The following EBF2 variants were observed in gnomAD, a reference collection of about 807,000 sequenced individuals.
The protein encoded by EBF2 is transcription factor COE2.
In EBF2, 21 loss-of-function variants were observed where a neutral mutation model predicts 72.8. The observed-to-expected ratio is 0.29, with a 90% CI of 0.20 to 0.42. The LOEUF (loss-of-function observed/expected upper bound fraction) is 0.42, where lower values mean the gene tolerates loss of function less well. EBF2 is among the 10% of genes least tolerant of loss of function. The pLI is 1.00. For missense variants in EBF2, 637 were observed against 731.2 expected, an observed-to-expected ratio of 0.87 and a Z score of 1.49; for synonymous variants, 299 against 274.2, an observed-to-expected ratio of 1.09 and a Z score of -0.89.
At chr8:25,865,994 C>T (rs1802306308) in intron 10 of EBF2, among the ~76,000 whole-genome samples, 1 of 151,226 alleles carries the variant, frequency 6.6e-6, no homozygotes, top group African/African-American at 2.4e-5. Flanking sequence ...CGCTGCACCC[C>T]AGCCTGGGTG....
At chr8:25,995,177 A>G (rs1038324286) in intron 6 of EBF2, among the ~76,000 whole-genome samples, 5 of 152,200 alleles carry the variant, frequency 3.3e-5, no homozygotes, top group South Asian at 2.1e-4. Flanking sequence ...GTGGTGGTGC[A>G]TGCCTGTAAT....
At chr8:26,005,329 T>TA (rs796089627) in intron 6 of EBF2, among the ~76,000 whole-genome samples, 1 of 396 alleles carries the variant, frequency 2.5e-3, no homozygotes, top group Non-Finnish European at 5.6e-3. Context: ...TTATATATAA[T>TA]TATATATTAT....
intron 6 of EBF2, among the ~76,000 whole-genome samples, chr8:26,012,707 T>C (rs1301368217): frequency 6.6e-6 from 1 of 152,206 alleles, no homozygotes; most frequent in Non-Finnish European, 1.5e-5. Flanking sequence ...TTTGCGGTGT[T>C]TGCCAGATTT....
chr8:25,999,091 A>G (rs776272252), intron 6 of EBF2, among the ~76,000 whole-genome samples: 4 of 152,210 alleles, frequency 2.6e-5, no homozygotes, highest in South Asian at 2.1e-4. Context: ...ACTGAAGTGA[A>G]AGATTAGGTT....
chr8:25,854,722 T>C (rs1802050101), intron 14 of EBF2, among the ~76,000 whole-genome samples: 2 of 152,192 alleles, frequency 1.3e-5, no homozygotes, highest in Non-Finnish European at 1.5e-5. Context: ...ATTCTTATGG[T>C]GGGAGTACGC....
chr8:26,027,015 T>G (rs1805311805), intron 6 of EBF2, among the ~76,000 whole-genome samples: 1 of 152,212 alleles, frequency 6.6e-6, no homozygotes, highest in Non-Finnish European at 1.5e-5. Flanking sequence ...TATCTATCCT[T>G]CTCAGAGCCA....
intron 5 of EBF2, among the ~76,000 whole-genome samples, chr8:26,036,981 C>G (rs964539608): frequency 6.6e-6 from 1 of 151,888 alleles, no homozygotes; most frequent in Non-Finnish European, 1.5e-5. Flanking sequence ...TCGTAACAAC[C>G]CCAGAGAGAC....
chr8:25,864,096 G>C (rs1308846273), intron 10 of EBF2, among the ~76,000 whole-genome samples: 1 of 151,868 alleles, frequency 6.6e-6, no homozygotes. Flanking sequence ...ATTATCCTTT[G>C]TGCATAACTT....
Position 25,850,639 on chromosome 8 carries a change from A to G in EBF2, c.1651T>C (p.Ser551Pro). The change falls in exon 15 of 16, where the codon TCC becomes CCC. Residue 551 changes from serine (S) to proline (P), a missense_variant. Around this residue, in one of 3 missense-constraint regions of EBF2, gnomAD observed 259 missense variants for 268.1 expected, o/e 0.97. Coordinates refer to ENST00000520164, the MANE Select transcript of EBF2 (RefSeq NM_022659.4). ...AFAPVIRPQG[S>P]PSPACSSGNG... ...CCGCTGGAGCAGGCAGGTGAAGGGG[A>G]GCCTTGGGGCCTGATGACAGGGGCA... The G allele has an allele frequency of 6.4e-7, 1 of 1,566,676 alleles. No homozygotes were observed. Among genetic ancestry groups the G allele is most frequent in the East Asian group, 2.4e-5 (1 of 41,952 alleles).
chr8:26,001,891 A>G (rs916511315), intron 6 of EBF2, among the ~76,000 whole-genome samples: 1 of 151,996 alleles, frequency 6.6e-6, no homozygotes, highest in Non-Finnish European at 1.5e-5. Flanking sequence ...TTCCTCCCCC[A>G]TGCCCACTCC....
chr8:25,898,074 C>T (rs138063488), intron 7 of EBF2, among the ~76,000 whole-genome samples: 85 of 152,260 alleles, frequency 5.6e-4, no homozygotes, highest in African/African-American at 1.8e-3. Flanking sequence ...GCTCACCCTA[C>T]GGTGGACAAA....
intron 1 of EBF2, among the ~76,000 whole-genome samples, chr8:26,043,330 G>A (rs1028239130): frequency 9.2e-5 from 14 of 152,226 alleles, no homozygotes; most frequent in Non-Finnish European, 2.1e-4. Context: ...TTTGAAAGGG[G>A]TAACATTTTG....
intron 6 of EBF2, among the ~76,000 whole-genome samples, chr8:26,008,211 A>G (rs1317801262): frequency 6.6e-6 from 1 of 152,160 alleles, no homozygotes; most frequent in Non-Finnish European, 1.5e-5. Flanking sequence ...CTCGGCTATA[A>G]GTACAAGGCT....
intron 7 of EBF2, among the ~76,000 whole-genome samples, chr8:25,907,847 A>C (rs6982847): frequency 0.075 from 11,467 of 152,220 alleles, 1,482 homozygotes; most frequent in African/African-American, 0.26. Context: ...GGGGGCCGAG[A>C]GGAGCTGCTC....
chr8:26,038,743 C>T (rs1352041496), intron 5 of EBF2, among the ~76,000 whole-genome samples: 1 of 152,198 alleles, frequency 6.6e-6, no homozygotes, highest in Non-Finnish European at 1.5e-5. Context: ...CCAGCTACTC[C>T]AGCAAGGAAG....
chr8:26,030,714 G>T (rs1465680874), intron 6 of EBF2, among the ~76,000 whole-genome samples: 1 of 152,168 alleles, frequency 6.6e-6, no homozygotes, highest in Non-Finnish European at 1.5e-5. Context: ...CATTTCGGAA[G>T]TAACGCACAT....
chr8:25,924,916 C>A (rs1459794600), intron 6 of EBF2, among the ~76,000 whole-genome samples: 1 of 152,158 alleles, frequency 6.6e-6, no homozygotes, highest in Non-Finnish European at 1.5e-5. Flanking sequence ...CCACTGGTGC[C>A]CAGAAACACA....
At chr8:25,889,003 T>G (rs971406017) in intron 8 of EBF2, among the ~76,000 whole-genome samples, 1 of 152,170 alleles carries the variant, frequency 6.6e-6, no homozygotes, top group African/African-American at 2.4e-5. Context: ...TTCAGTTCAT[T>G]AATTCCTGTT....
intron 6 of EBF2, among the ~76,000 whole-genome samples, chr8:26,011,882 A>G (rs1333013120): frequency 6.6e-6 from 1 of 152,000 alleles, no homozygotes; most frequent in Non-Finnish European, 1.5e-5. Flanking sequence ...GACATCAATC[A>G]TAAATGGATG....
Sources: gnomAD v4.1 joint callset for allele counts (sites outside exome capture counted in the v4.1 genomes callset) on GRCh38, gnomAD v4.1.1 for gene constraint, gnomAD v4.1.1 regional missense constraint, MANE v1.5 for transcripts, NCBI Gene and HGNC (gene_info 2026-07-23, HGNC 2026-07-21) for gene names.